Variants in ADGRL3 observed in about 807,000 individuals in gnomAD.
The protein encoded by ADGRL3 is calcium-independent alpha-latrotoxin receptor 3.
Under a neutral mutation model 153.5 loss-of-function variants are expected in ADGRL3, and 62 were observed. The ratio of observed to expected loss-of-function variants is 0.40; its 90% CI spans 0.33 to 0.50. ADGRL3 has a LOEUF of 0.50. ADGRL3 is among the 20% of genes least tolerant of loss of function. ADGRL3 has a pLI of 0.47. For synonymous variants in ADGRL3, 710 were observed against 672.5 expected (o/e 1.06, Z -0.86); for missense variants, 1,641 against 1,859.4 (o/e 0.88, Z 2.16).
chr4:61,993,588 G>A (rs558811819), intron 19 of ADGRL3, among the ~76,000 whole-genome samples: 1 of 151,960 alleles, frequency 6.6e-6, no homozygotes, highest in East Asian at 1.9e-4. Flanking sequence ...CACATGCCCA[G>A]CCTCCTTCAT....
At position 61,541,056 on chromosome 4, in the gene ADGRL3, G is replaced by A. The variant is rs77220903; in HGVS notation, c.259+23538G>A. On this transcript the variant is annotated intron_variant, in intron 4 of 26. Transcript: ENST00000683033. ...GGTAAGCAGAAACCAGTAGGACACT[G>A]TTATCAGAGGCAGGGTAGGAGGGGC... Among the ~76,000 whole-genome samples, 695 of 152,288 alleles carry A rather than the reference G, an allele frequency of 4.6e-3. 7 individuals are homozygous for A. The highest frequency in any genetic ancestry group is 0.016 in the African/African-American group (663 of 41,560).
intron 9 of ADGRL3, among the ~76,000 whole-genome samples, chr4:61,863,260 C>T (rs1218042707): frequency 2.4e-5 from 2 of 84,378 alleles, no homozygotes; most frequent in Non-Finnish European, 4.2e-5. Flanking sequence ...TTTTTTGAGA[C>T]GGAGTCTCGC....
intron 9 of ADGRL3, among the ~76,000 whole-genome samples, chr4:61,870,630 A>C (rs1455365243): frequency 6.6e-6 from 1 of 152,228 alleles, no homozygotes; most frequent in Non-Finnish European, 1.5e-5. Context: ...CCAGATTAAA[A>C]AGTGAGCAAA....
In ADGRL3 at chr4:62,037,729, A is replaced by T; in HGVS notation, c.3592-2A>T. 6.2e-7 allele frequency: 1 copy of T among 1,613,698 alleles called. No homozygotes were observed. Among genetic ancestry groups the T allele is most frequent in the Non-Finnish European group, 8.5e-7 (1 of 1,179,678 alleles). ...AACAGAAGTTAATATTTAATTGGCT[A>T]GGTACGAAAAGAGTATGGGAAATGC... is the stretch of plus-strand genomic sequence containing the variant. On this transcript the variant is annotated splice_acceptor_variant, in intron 23 of 26. Transcript: ENST00000683033. LOFTEE classifies it high-confidence loss of function.
rs1246889679 is a variant in ADGRL3, at chr4:61,405,207, AAACT to A, written c.-174+22023_-174+22026del. On this transcript the variant is annotated intron_variant, in intron 2 of 26. Transcript: ENST00000683033. ...GAATTCAGAAATAATGGCAGATTAAAAACTAACTGATTTTACACTGAATAAGCGA... is the reference window on the plus strand; with the variant it reads ...GAATTCAGAAATAATGGCAGATTAAAAACTGATTTTACACTGAATAAGCGA... 7.9e-5 allele frequency among the ~76,000 whole-genome samples: 12 copies of A among 152,130 alleles called. No homozygotes were observed. In the East Asian group the frequency reaches 1.9e-3, roughly 24 times the overall value.
At chr4:61,287,709 G>T (rs1410708259) in intron 1 of ADGRL3, among the ~76,000 whole-genome samples, 3 of 151,862 alleles carry the variant, frequency 2.0e-5, no homozygotes, top group African/African-American at 4.8e-5. Context: ...TGACTGGCTT[G>T]ATTTGGAGAG....
At chr4:61,582,753 A>G (rs755747233) in intron 4 of ADGRL3, among the ~76,000 whole-genome samples, 4 of 152,026 alleles carry the variant, frequency 2.6e-5, no homozygotes, top group Admixed American at 6.6e-5. Flanking sequence ...CCCTAGTGCA[A>G]TGGCAGGTGA....
chr4:62,058,442 C>A (rs1738223553), intron 25 of ADGRL3, among the ~76,000 whole-genome samples: 1 of 152,062 alleles, frequency 6.6e-6, no homozygotes. Flanking sequence ...TTTCAAGATG[C>A]CATCAATTTC....
chr4:61,488,781 G>A (rs1487090336), intron 2 of ADGRL3, among the ~76,000 whole-genome samples: 1 of 151,898 alleles, frequency 6.6e-6, no homozygotes, highest in South Asian at 2.1e-4. Flanking sequence ...ATAGGTCATT[G>A]TGAACTCCCA....
chr4:61,335,669 A>T (rs1385620541), intron 1 of ADGRL3, among the ~76,000 whole-genome samples: 1 of 152,200 alleles, frequency 6.6e-6, no homozygotes, highest in Non-Finnish European at 1.5e-5. Flanking sequence ...TTGAGGAAAT[A>T]GGAATAAATG....
chr4:61,610,602 T>C (rs1459499425), intron 5 of ADGRL3, among the ~76,000 whole-genome samples: 2 of 152,176 alleles, frequency 1.3e-5, no homozygotes, highest in Non-Finnish European at 2.9e-5. Flanking sequence ...ATAATTTCAT[T>C]GAATTTATAG....
At chr4:61,464,898 A>G (rs182090721) in intron 2 of ADGRL3, among the ~76,000 whole-genome samples, 1 of 152,292 alleles carries the variant, frequency 6.6e-6, no homozygotes, top group East Asian at 1.9e-4. Context: ...GCAATTCAAC[A>G]GGCACATTAG....
intron 1 of ADGRL3, among the ~76,000 whole-genome samples, chr4:61,258,394 T>G (rs1042889776): frequency 3.9e-5 from 6 of 152,152 alleles, no homozygotes; most frequent in Non-Finnish European, 8.8e-5. Context: ...TGCAATGTGG[T>G]TCATGAAGCC....
intron 1 of ADGRL3, among the ~76,000 whole-genome samples, chr4:61,367,251 T>G (rs992642864): frequency 2.0e-5 from 3 of 152,034 alleles, no homozygotes; most frequent in Non-Finnish European, 2.9e-5. Context: ...TTTTTTATTA[T>G]TATACTTTAA....
chr4:61,555,784 G>C (rs2098763031), intron 4 of ADGRL3, among the ~76,000 whole-genome samples: 1 of 152,144 alleles, frequency 6.6e-6, no homozygotes, highest in African/African-American at 2.4e-5. Flanking sequence ...AACAAGGGGT[G>C]GATTATTCAT....
intron 13 of ADGRL3, among the ~76,000 whole-genome samples, chr4:61,919,924 C>A (rs1581462369): frequency 6.6e-6 from 1 of 152,096 alleles, no homozygotes; most frequent in Non-Finnish European, 1.5e-5. Context: ...TTTGTGAATG[C>A]CTCAGAAAGT....
At chr4:61,784,809 G>T (rs1285133611) in intron 8 of ADGRL3, among the ~76,000 whole-genome samples, 1 of 152,126 alleles carries the variant, frequency 6.6e-6, no homozygotes, top group Non-Finnish European at 1.5e-5. Context: ...AAGGTTGAAA[G>T]ATGAGGGTAT....
chr4:61,648,197 G>A (rs777232207), intron 5 of ADGRL3, among the ~76,000 whole-genome samples: 1 of 151,866 alleles, frequency 6.6e-6, no homozygotes, highest in African/African-American at 2.4e-5. Flanking sequence ...TATACTCCTG[G>A]AATAAGCTGT....
chr4:61,264,962 G>A (rs1180816323), intron 1 of ADGRL3, among the ~76,000 whole-genome samples: 1 of 151,924 alleles, frequency 6.6e-6, no homozygotes, highest in African/African-American at 2.4e-5. Context: ...GTGTTTCGTG[G>A]TTACAGTTGG....
Sources: gnomAD v4.1 joint callset for allele counts (sites outside exome capture counted in the v4.1 genomes callset) on GRCh38, gnomAD v4.1.1 for gene constraint, MANE v1.5 for transcripts, NCBI Gene and HGNC (gene_info 2026-07-23, HGNC 2026-07-21) for gene names.